CLEC2A: variants seen among roughly 807,000 people sequenced by gnomAD.
CLEC2A encodes the protein C-type lectin domain family 2 member A.
Under a neutral mutation model 18.6 loss-of-function variants are expected in CLEC2A, and 19 were observed. That is an observed-to-expected ratio of 1.02 (90% CI 0.71 to 1.50). The LOEUF (loss-of-function observed/expected upper bound fraction) is 1.50. CLEC2A is among the 40% of genes most tolerant of loss of function. The pLI is 0.00. For synonymous variants in CLEC2A, 74 were observed against 64.0 expected (o/e 1.16, Z -0.75); for missense variants, 190 against 207.9 (o/e 0.91, Z 0.53).
At chr12:9,910,901 A>G (rs1459630347), downstream of CLEC2A, among the ~76,000 whole-genome samples, 1 of 152,160 alleles carries the variant, frequency 6.6e-6, no homozygotes, top group Non-Finnish European at 1.5e-5. Flanking sequence ...ATCCCTGATG[A>G]GCCCCTATGA....
At chr12:9,918,277 A>G (rs949955982) in intron 3 of CLEC2A, among the ~76,000 whole-genome samples, 6 of 152,116 alleles carry the variant, frequency 3.9e-5, no homozygotes, top group Admixed American at 1.3e-4. Context: ...ATTTTTGTAT[A>G]TGGTATAAGG....
At chr12:9,917,218 C>T (rs1863086921) in intron 3 of CLEC2A, among the ~76,000 whole-genome samples, 1 of 151,990 alleles carries the variant, frequency 6.6e-6, no homozygotes, top group South Asian at 2.1e-4. Context: ...GCTTTTTGTT[C>T]TTTTAACTTT....
Position 9,922,238 on chromosome 12 carries a change from A to T in CLEC2A, c.140-6T>A. 6.6e-7 allele frequency: 1 copy of T among 1,511,100 alleles called. No individual in the cohort carries two copies. The highest frequency in any genetic ancestry group is 8.9e-7 in the Non-Finnish European group (1 of 1,129,628). The allele number at this position is 1,511,100 out of a possible 1,614,324, so 93.6% of individuals were successfully genotyped here. ...AGCATGCTTGGACCATGTGGCTGAA[A>T]AAAAAAGAAAGAAATGATCAGATAA... is the stretch of plus-strand genomic sequence containing the variant. On this transcript the variant is annotated splice_region_variant and splice_polypyrimidine_tract_variant and intron_variant, in intron 2 of 4. Transcript: ENST00000455827.
At chr12:9,888,789 C>T in the CLEC2A span, 1 of 1,484,320 alleles carries the variant, frequency 6.7e-7, no homozygotes, top group South Asian at 1.2e-5. Context: ...AGGTAATACT[C>T]TTTTTGTTTG....
At chr12:9,891,822 A>G in the CLEC2A span, among the ~76,000 whole-genome samples, 1 of 152,124 alleles carries the variant, frequency 6.6e-6, no homozygotes, top group Admixed American at 6.5e-5. Flanking sequence ...TACTTTTTTA[A>G]TCTTAGCTGG....
intron 1 of CLEC2A, among the ~76,000 whole-genome samples, chr12:9,929,398 G>A (rs1005181939): frequency 6.6e-6 from 1 of 151,974 alleles, no homozygotes; most frequent in Non-Finnish European, 1.5e-5. Context: ...TAAAAATGCT[G>A]TATAAATTTA....
chr12:9,893,129 A>C, the CLEC2A span: 1 of 1,535,330 alleles, frequency 6.5e-7, no homozygotes, highest in Non-Finnish European at 8.7e-7. Flanking sequence ...GTACACAGCT[A>C]CAGGCACATT....
chr12:9,896,746 C>T (rs528852288), downstream of CLEC2A, among the ~76,000 whole-genome samples: 3 of 152,226 alleles, frequency 2.0e-5, no homozygotes, highest in African/African-American at 7.2e-5. Context: ...GAGATGCCAT[C>T]ACCACAGCTA....
chr12:9,908,512 C>T (rs1862935976), downstream of CLEC2A, among the ~76,000 whole-genome samples: 1 of 152,004 alleles, frequency 6.6e-6, no homozygotes, highest in South Asian at 2.1e-4. Context: ...AACAGAGGAG[C>T]GGGCTGCTCC....
chr12:9,909,886 G>A (rs914962185), downstream of CLEC2A, among the ~76,000 whole-genome samples: 3 of 152,196 alleles, frequency 2.0e-5, no homozygotes, highest in South Asian at 2.1e-4. Context: ...TGGGGGTATT[G>A]AGTGGAGGAA....
intron 4 of CLEC2A, among the ~76,000 whole-genome samples, chr12:9,915,232 G>C (rs2137035376): frequency 6.6e-6 from 1 of 152,266 alleles, no homozygotes; most frequent in East Asian, 1.9e-4. Flanking sequence ...GGCGAGATAG[G>C]AATGCTTATA....
At chr12:9,908,960 T>C (rs1313944386), downstream of CLEC2A, among the ~76,000 whole-genome samples, 1 of 152,208 alleles carries the variant, frequency 6.6e-6, no homozygotes, top group Non-Finnish European at 1.5e-5. Context: ...TTTTTGCTTT[T>C]CTTCGTATCT....
chr12:9,929,543 CTT>C (rs991504339), intron 1 of CLEC2A, among the ~76,000 whole-genome samples: 9 of 152,068 alleles, frequency 5.9e-5, no homozygotes, highest in African/African-American at 2.2e-4. Flanking sequence ...ATTGTGTGGA[CTT>C]TCTTTCAAAA....
At chr12:9,922,637 A>C (rs1323052836) in intron 2 of CLEC2A, among the ~76,000 whole-genome samples, 1 of 152,256 alleles carries the variant, frequency 6.6e-6, no homozygotes, top group Non-Finnish European at 1.5e-5. Flanking sequence ...AAGCTAGGAA[A>C]GTGAAACTTG....
At chr12:9,914,657 C>T (rs951491286) in intron 4 of CLEC2A, among the ~76,000 whole-genome samples, 1 of 152,124 alleles carries the variant, frequency 6.6e-6, no homozygotes, top group Non-Finnish European at 1.5e-5. Context: ...AACTGGCTAT[C>T]CATACACAGA....
chr12:9,901,862 A>C (rs1194650810), intron 4 of CLEC2A, among the ~76,000 whole-genome samples: 2 of 149,526 alleles, frequency 1.3e-5, no homozygotes, highest in African/African-American at 4.9e-5. Context: ...CACCATAGGA[A>C]AACCTTGTTA....
chr12:9,892,580 C>CTTTT, the CLEC2A span, among the ~76,000 whole-genome samples: 37 of 104,812 alleles, frequency 3.5e-4, no homozygotes, highest in Non-Finnish European at 4.6e-4. Context: ...TACAGAACTG[C>CTTTT]TTTTTTTTTT....
At chr12:9,895,938 A>G, downstream of CLEC2A, 1 of 1,107,634 alleles carries the variant, frequency 9.0e-7, no homozygotes. Flanking sequence ...CTGCTAACAG[A>G]CATCATCTAA....
At chr12:9,881,589 T>C in the CLEC2A span, 1 of 1,524,582 alleles carries the variant, frequency 6.6e-7, no homozygotes, top group Non-Finnish European at 8.8e-7. Context: ...ATTAGACATT[T>C]GAAGAGATGG....
Sources: gnomAD v4.1 joint callset for allele counts (sites outside exome capture counted in the v4.1 genomes callset) on GRCh38, gnomAD v4.1.1 for gene constraint, MANE v1.5 for transcripts, NCBI Gene and HGNC (gene_info 2026-07-23, HGNC 2026-07-21) for gene names.